Variants in ABCB1 observed in about 807,000 individuals in gnomAD.
The protein encoded by ABCB1 is ATP binding cassette subfamily B member 1.
Under a neutral mutation model 142.0 loss-of-function variants are expected in ABCB1, and 69 were observed. That is an observed-to-expected ratio of 0.49 (90% CI 0.40 to 0.59). The LOEUF (loss-of-function observed/expected upper bound fraction) is 0.59. Among genes scored for constraint, ABCB1 ranks in the 20% least tolerant of loss-of-function variants. ABCB1 has a pLI of 0.00. For synonymous variants in ABCB1, 532 were observed against 539.2 expected (o/e 0.99, Z 0.18); for missense variants, 1,326 against 1,554.7 (o/e 0.85, Z 2.47).
intron 14 of ABCB1, among the ~76,000 whole-genome samples, chr7:87,548,317 A>G (rs1428872544): frequency 2.7e-5 from 4 of 148,598 alleles, no homozygotes; most frequent in African/African-American, 9.9e-5. Flanking sequence ...AAGAAAGGAA[A>G]GGAAGAGGAA....
chr7:87,659,912 A>G (rs1303217285), intron 1 of ABCB1, among the ~76,000 whole-genome samples: 2 of 152,126 alleles, frequency 1.3e-5, no homozygotes, highest in Admixed American at 1.3e-4. Flanking sequence ...AATTACATCA[A>G]TTGTTTTTCT....
At chr7:87,581,515 A>G (rs563349351) in intron 4 of ABCB1, among the ~76,000 whole-genome samples, 1 of 152,340 alleles carries the variant, frequency 6.6e-6, no homozygotes, top group Non-Finnish European at 1.5e-5. Flanking sequence ...CCTAGGCTCC[A>G]GTCATCAGAG....
chr7:87,705,398 C>A (rs1337976986), intron 1 of ABCB1, among the ~76,000 whole-genome samples: 1 of 152,158 alleles, frequency 6.6e-6, no homozygotes, highest in Non-Finnish European at 1.5e-5. Context: ...TGCACTGCAG[C>A]CTGGGCAACA....
chr7:87,574,835 C>T (rs1386079718), intron 4 of ABCB1, among the ~76,000 whole-genome samples: 2 of 152,178 alleles, frequency 1.3e-5, no homozygotes, highest in Non-Finnish European at 1.5e-5. Context: ...TGACTATTTA[C>T]ACCTATCTCT....
chr7:87,542,842 GTTGA>G (rs1816600930), intron 17 of ABCB1, among the ~76,000 whole-genome samples: 1 of 152,168 alleles, frequency 6.6e-6, no homozygotes, highest in Non-Finnish European at 1.5e-5. Flanking sequence ...CTAGGTCAGA[GTTGA>G]GTATCTGCAA....
chr7:87,600,028 C>T lies in ABCB1; in HGVS notation c.68+89G>A. ...TCTTAAAAATAATTAAAAACAACAA[C>T]ATGTCATTTATTTCAGAGCTGGAGG... On this transcript the variant is annotated intron_variant, in intron 2 of 27. Coordinates refer to ENST00000622132, the MANE Select transcript of ABCB1 (RefSeq NM_001348946.2). 3 of 1,244,122 alleles carry T rather than the reference C, an allele frequency of 2.4e-6. No homozygotes were observed. The South Asian group carries it at 3.8e-5, about 16-fold the overall frequency. The allele number at this position is 1,244,122 out of a possible 1,614,324, so 77.1% of individuals were successfully genotyped here.
intron 1 of ABCB1, among the ~76,000 whole-genome samples, chr7:87,633,585 T>G (rs1268799745): frequency 6.6e-6 from 1 of 152,242 alleles, no homozygotes; most frequent in Admixed American, 6.5e-5. Context: ...AGCAGTTCTT[T>G]TCTTTGTACT....
At chr7:87,523,863 A>G (rs564413298) in intron 21 of ABCB1, among the ~76,000 whole-genome samples, 19 of 152,276 alleles carry the variant, frequency 1.2e-4, no homozygotes, top group African/African-American at 4.3e-4. Context: ...GAGGGTCTCT[A>G]AAGTCCCTTT....
intron 25 of ABCB1, among the ~76,000 whole-genome samples, chr7:87,512,894 A>C (rs1489094811): frequency 1.3e-5 from 2 of 152,186 alleles, no homozygotes; most frequent in African/African-American, 4.8e-5. Flanking sequence ...TGTCCTATGC[A>C]CTCAGCATTC....
intron 17 of ABCB1, among the ~76,000 whole-genome samples, chr7:87,543,024 A>G (rs1419493475): frequency 6.6e-6 from 1 of 152,186 alleles, no homozygotes; most frequent in Non-Finnish European, 1.5e-5. Context: ...AGCAGACACA[A>G]AAAATAATTC....
chr7:87,705,810 C>G (rs993678561), intron 1 of ABCB1, among the ~76,000 whole-genome samples: 4 of 152,162 alleles, frequency 2.6e-5, no homozygotes, highest in African/African-American at 9.7e-5. Context: ...CTGAAAAAAA[C>G]CACTCCCAAT....
At chr7:87,670,520 TG>T (rs1336460888) in intron 1 of ABCB1, among the ~76,000 whole-genome samples, 1 of 152,186 alleles carries the variant, frequency 6.6e-6, no homozygotes, top group Non-Finnish European at 1.5e-5. Flanking sequence ...GGGGAATGGG[TG>T]TGGTCATTTG....
intron 1 of ABCB1, chr7:87,628,920 A>G: frequency 1.5e-6 from 2 of 1,309,546 alleles, no homozygotes; most frequent in South Asian, 3.3e-5. Context: ...TGCGGTGGAG[A>G]GGAGGAACCT....
At chr7:87,526,738 A>G (rs1815798785) in intron 21 of ABCB1, among the ~76,000 whole-genome samples, 1 of 152,180 alleles carries the variant, frequency 6.6e-6, no homozygotes, top group African/African-American at 2.4e-5. Flanking sequence ...GCATCAATGT[A>G]ACCAATCCGG....
chr7:87,664,747 A>G (rs1563114918), intron 1 of ABCB1, among the ~76,000 whole-genome samples: 1 of 152,170 alleles, frequency 6.6e-6, no homozygotes, highest in Non-Finnish European at 1.5e-5. Context: ...ATAGCAAAAT[A>G]TATAAGTTTG....
chr7:87,678,742 C>T (rs935852105), intron 1 of ABCB1, among the ~76,000 whole-genome samples: 2 of 151,724 alleles, frequency 1.3e-5, no homozygotes, highest in African/African-American at 4.9e-5. Flanking sequence ...AAAAGTTATT[C>T]CATGCAGAAA....
intron 9 of ABCB1, among the ~76,000 whole-genome samples, chr7:87,551,215 G>A (rs1381848471): frequency 6.6e-6 from 1 of 151,796 alleles, no homozygotes; most frequent in Non-Finnish European, 1.5e-5. Context: ...TAGAGACAGG[G>A]TCTCGCTACG....
chr7:87,699,359 A>C (rs905357065), intron 1 of ABCB1, among the ~76,000 whole-genome samples: 2 of 152,184 alleles, frequency 1.3e-5, no homozygotes, highest in African/African-American at 4.8e-5. Flanking sequence ...ACTTAAAAAT[A>C]CTGAGTGTAG....
In ABCB1 at chr7:87,546,555, CA is replaced by C. The variant is rs796575409; in HGVS notation, c.1726-532del. ...TGGGTGACAGAGTGAGACTCCATCT[CA>C]AAAAAAAAAAATAAAAAATAAAAAA... On this transcript the variant is annotated intron_variant, in intron 14 of 27. Coordinates refer to ENST00000622132, the MANE Select transcript of ABCB1 (RefSeq NM_001348946.2). 3.0e-3 allele frequency among the ~76,000 whole-genome samples: 397 copies of C among 133,632 alleles called. 1 individual carries two copies. Among genetic ancestry groups the C allele is most frequent in the African/African-American group, 7.3e-3 (263 of 36,024 alleles). 87.7% of individuals were successfully genotyped at this position (133,632 alleles called of 152,430 possible).
Sources: gnomAD v4.1 joint callset for allele counts (sites outside exome capture counted in the v4.1 genomes callset) on GRCh38, gnomAD v4.1.1 for gene constraint, MANE v1.5 for transcripts, NCBI Gene and HGNC (gene_info 2026-07-23, HGNC 2026-07-21) for gene names.